Variants in FARS2 observed in about 807,000 individuals in gnomAD.
The protein encoded by FARS2 is phenylalanyl-tRNA synthetase 2, mitochondrial, also known as phenylalanine--tRNA ligase, mitochondrial.
A neutral mutation model predicts 46.4 loss-of-function variants in FARS2; 40 were observed. The ratio of observed to expected loss-of-function variants is 0.86; its 90% CI spans 0.67 to 1.12. FARS2 has a LOEUF of 1.12. Ranked by LOEUF, FARS2 falls within the 50% of genes most tolerant of loss-of-function variation. The pLI, the probability that FARS2 is intolerant of heterozygous loss-of-function variation, is 0.00. For synonymous variants in FARS2, 234 were observed against 214.9 expected (o/e 1.09, Z -0.78); for missense variants, 513 against 567.9 (o/e 0.90, Z 0.98).
At chr6:5,771,103 C>G (rs183666532) in intron 6 of FARS2, among the ~76,000 whole-genome samples, 188 bp from the exon 7 acceptor site, 1 of 152,294 alleles carries the variant, frequency 6.6e-6, no homozygotes, top group African/African-American at 2.4e-5. Context: ...TTTAGTCAAG[C>G]GAATGTTTCC....
intron 4 of FARS2, among the ~76,000 whole-genome samples, chr6:5,527,168 T>C (rs1769518301): frequency 1.3e-5 from 2 of 152,248 alleles, no homozygotes; most frequent in Non-Finnish European, 2.9e-5. Flanking sequence ...CAGTCAGCAA[T>C]GTGCTGGGCC....
chr6:5,663,975 A>G (rs1777978223), intron 6 of FARS2, among the ~76,000 whole-genome samples: 1 of 152,226 alleles, frequency 6.6e-6, no homozygotes, highest in Non-Finnish European at 1.5e-5. Flanking sequence ...GTGGCCCCAC[A>G]GTAGATGGCT....
chr6:5,478,992 A>G (rs1232932445), intron 4 of FARS2, among the ~76,000 whole-genome samples: 2 of 152,206 alleles, frequency 1.3e-5, no homozygotes, highest in Non-Finnish European at 2.9e-5. Flanking sequence ...ACACCATCAT[A>G]TATTCACATT....
intron 4 of FARS2, among the ~76,000 whole-genome samples, chr6:5,539,060 C>T (rs950601336): frequency 6.6e-6 from 1 of 152,056 alleles, no homozygotes; most frequent in African/African-American, 2.4e-5. Context: ...AGCCAGTCTC[C>T]TCTCTTTAGA....
chr6:5,684,176 C>T (rs1450167407), intron 6 of FARS2, among the ~76,000 whole-genome samples: 4 of 152,240 alleles, frequency 2.6e-5, no homozygotes, highest in South Asian at 2.1e-4. Context: ...AGGTGAATAA[C>T]GGTGTCATCA....
chr6:5,723,082 G>A (rs957000745), intron 6 of FARS2, among the ~76,000 whole-genome samples: 1 of 152,134 alleles, frequency 6.6e-6, no homozygotes, highest in Admixed American at 6.5e-5. Context: ...GTCCTCATCC[G>A]AGTTCCGGTT....
intron 4 of FARS2, among the ~76,000 whole-genome samples, chr6:5,516,892 A>G (rs1768831650): frequency 6.6e-6 from 1 of 152,206 alleles, no homozygotes; most frequent in Non-Finnish European, 1.5e-5. Context: ...TTCAGTGAAG[A>G]CGTATCTGTC....
intron 4 of FARS2, among the ~76,000 whole-genome samples, chr6:5,501,968 G>A (rs189188323): frequency 2.7e-4 from 41 of 152,308 alleles, no homozygotes; most frequent in African/African-American, 8.9e-4. Context: ...CAGCAATGAC[G>A]TTCTTCTCTT....
chr6:5,691,096 T>G (rs987588518), intron 6 of FARS2, among the ~76,000 whole-genome samples: 1 of 152,208 alleles, frequency 6.6e-6, no homozygotes, highest in Non-Finnish European at 1.5e-5. Context: ...TCATCTAATT[T>G]TTTTTCAAGG....
chr6:5,272,601 T>G (rs1031404194), intron 1 of FARS2: 5 of 152,378 alleles, frequency 3.3e-5, no homozygotes, highest in East Asian at 1.9e-4. Context: ...ATATAATTTA[T>G]AAAGATCAAA....
At chr6:5,255,347 C>T in the FARS2 span, among the ~76,000 whole-genome samples, 2 of 152,152 alleles carry the variant, frequency 1.3e-5, no homozygotes, top group African/African-American at 4.8e-5. Flanking sequence ...TATAAGCACC[C>T]AGTTGTCTTC....
chr6:5,610,188 G>A lies in FARS2; in HGVS notation c.1066-2981G>A. 4 of 746,658 alleles carry A rather than the reference G, an allele frequency of 5.4e-6. No homozygotes were observed. In the South Asian group the frequency reaches 7.2e-5, roughly 13 times the overall value. The allele number at this position is 746,658 out of a possible 1,614,324, so 46.3% of individuals were successfully genotyped here. Reference sequence around the variant, plus strand: ...CTATTCGGGCTCTTTAGGAGACTCTGACTTAGACAGGACGGCAGGGAGAAG... The same window carrying A: ...CTATTCGGGCTCTTTAGGAGACTCTAACTTAGACAGGACGGCAGGGAGAAG... On this transcript the variant is annotated intron_variant, in intron 5 of 6. Transcript: ENST00000274680.
At chr6:5,435,567 C>G (rs12192898) in intron 4 of FARS2, among the ~76,000 whole-genome samples, 21,533 of 152,120 alleles carry the variant, frequency 0.14, 1,648 homozygotes, top group Middle Eastern at 0.18. Flanking sequence ...GAGTGGTGAC[C>G]GTTTTCAGGC....
chr6:5,311,620 T>G lies in FARS2; in HGVS notation c.-22+49960T>G, dbSNP rs945072557. On this transcript the variant is annotated intron_variant, in intron 1 of 6. Coordinates refer to ENST00000274680, the MANE Select transcript of FARS2 (RefSeq NM_006567.5). This position sits in a 1 kb window ranked among gnomAD's most constrained non-coding sequence, Gnocchi z 4.1. The stretch of plus-strand genomic sequence containing the variant: ...ACTGTGGTATTGGCCTCAGATCAAA[T>G]TATTTATCCTGTTTTCTTTAGATAT... Among the ~76,000 whole-genome samples, 2 of 152,196 alleles carry G rather than the reference T, an allele frequency of 1.3e-5. No individual in the cohort carries two copies. Among genetic ancestry groups the G allele is most frequent in the Non-Finnish European group, 2.9e-5 (2 of 68,036 alleles).
At chr6:5,285,974 A>C (rs1403102324) in intron 1 of FARS2, among the ~76,000 whole-genome samples, 1 of 152,108 alleles carries the variant, frequency 6.6e-6, no homozygotes, top group African/African-American at 2.4e-5. Context: ...GGTCTCATAC[A>C]CCTGCCTAGA....
chr6:5,344,247 T>C (rs1410538883), intron 1 of FARS2, among the ~76,000 whole-genome samples: 1 of 152,148 alleles, frequency 6.6e-6, no homozygotes, highest in Non-Finnish European at 1.5e-5. Context: ...CGTATCTGCT[T>C]GCTAATACCA....
chr6:5,437,645 T>G (rs540106045), intron 4 of FARS2, among the ~76,000 whole-genome samples: 7 of 152,304 alleles, frequency 4.6e-5, no homozygotes, highest in Middle Eastern at 3.4e-3. Flanking sequence ...TTCATTTATA[T>G]TACAATATCC....
intron 4 of FARS2, among the ~76,000 whole-genome samples, chr6:5,519,159 T>TA (rs1768982032): frequency 6.6e-6 from 1 of 152,152 alleles, no homozygotes; most frequent in South Asian, 2.1e-4. Flanking sequence ...TAACCCTGAG[T>TA]ATATGAGCTG....
rs748955008 is a variant in FARS2, at chr6:5,613,160, T to G, written c.1066-9T>G. 7 of 1,609,716 alleles carry G rather than the reference T, an allele frequency of 4.3e-6. No individual in the cohort carries two copies. In the African/African-American group the frequency reaches 9.4e-5, roughly 22 times the overall value. ...AGTTCATGTATCTTTTCTCCTCTTG[T>G]TTTGTTAGCCTCTTAGCAAATATCC... is the stretch of plus-strand genomic sequence containing the variant. On this transcript the variant is annotated splice_polypyrimidine_tract_variant and intron_variant, in intron 5 of 6. Transcript: ENST00000274680.
Sources: allele counts gnomAD v4.1 joint callset (sites outside exome capture counted in the v4.1 genomes callset), GRCh38; gene constraint gnomAD v4.1.1; non-coding constraint Gnocchi (gnomAD v3.1); transcripts MANE v1.5; gene names NCBI Gene and HGNC (gene_info 2026-07-23, HGNC 2026-07-21).